ST7: variants seen among roughly 807,000 people sequenced by gnomAD.
ST7 encodes the protein suppression of tumorigenicity 7.
Under a neutral mutation model 78.7 loss-of-function variants are expected in ST7, and 28 were observed. The ratio of observed to expected loss-of-function variants is 0.36; its 90% CI spans 0.26 to 0.49. The LOEUF is 0.49. Ranked by LOEUF, ST7 falls within the 20% of genes least tolerant of loss-of-function variation. The pLI is 0.99. For synonymous variants in ST7, 247 were observed against 249.6 expected (o/e 0.99, Z 0.10); for missense variants, 418 against 696.0 (o/e 0.60, Z 4.49).
Position 117,219,176 on chromosome 7 carries a change from T to C in ST7, c.1498T>C (p.Ser500Pro). The change falls in exon 14 of 16, where the codon TCT (serine) becomes CCT (proline). Residue 500 changes from serine to proline, a missense_variant and splice_region_variant. Ser to Pro is a moderately conservative substitution (Grantham distance 74). This residue lies in a region of ST7 where 288 missense variants were observed against 537.1 expected (regional missense o/e 0.54). Transcript: ENST00000323984. The surrounding 1 kb of genome is among the most constrained non-coding windows in gnomAD (Gnocchi z 5.1). ...AACAGCAGACCGAGAGCTGCTTCCA[T>C]GTAAGTCTCACCTCTCTTCAGCCAG... ...TETADRELLP[S>P]FHEVSVYPKK... 1.2e-6 allele frequency: 2 copies of C among 1,612,126 alleles called. No individual in the cohort carries two copies. Among genetic ancestry groups the C allele is most frequent in the South Asian group, 1.1e-5 (1 of 90,636 alleles).
chr7:117,189,486 A>C (rs891992491), intron 11 of ST7, 93 bp downstream of exon 11: 8 of 926,894 alleles, frequency 8.6e-6, no homozygotes, highest in Non-Finnish European at 1.1e-5. Context: ...CTCTTAGGCT[A>C]TGAGACCCCT....
chr7:117,055,169 AATTT>A (rs1360288178), intron 1 of ST7, among the ~76,000 whole-genome samples: 3 of 151,818 alleles, frequency 2.0e-5, no homozygotes, highest in Non-Finnish European at 4.4e-5. Flanking sequence ...GTTATCTCCC[AATTT>A]ATTTATTTAT....
chr7:117,109,708 TAATGCCCAAACCAGGAAAC>T (rs995963039), intron 2 of ST7, among the ~76,000 whole-genome samples: 1 of 152,192 alleles, frequency 6.6e-6, no homozygotes, highest in African/African-American at 2.4e-5. Context: ...AGTATCACCC[TAATGCCCAAACCAGGAAAC>T]AATATAACAA....
intron 9 of ST7, among the ~76,000 whole-genome samples, chr7:117,159,851 C>T (rs1806990136): frequency 6.6e-6 from 1 of 150,740 alleles, no homozygotes; most frequent in South Asian, 2.1e-4. Flanking sequence ...CGAGATCATG[C>T]CACTGCACTC....
chr7:117,199,185 G>A (rs1011044777), intron 12 of ST7: 9 of 152,214 alleles, frequency 5.9e-5, no homozygotes, highest in Non-Finnish European at 1.2e-4. Flanking sequence ...ATCTCCCTTT[G>A]TGTGAGCTGT....
intron 1 of ST7, chr7:116,967,401 A>G (rs1585057094): frequency 4.2e-6 from 2 of 471,220 alleles, no homozygotes. Flanking sequence ...TCCCTGCCTT[A>G]CCAGTTCCTA....
chr7:117,133,791 C>T lies in ST7; in HGVS notation c.642-333C>T, dbSNP rs141512425. On this transcript the variant is annotated intron_variant, in intron 6 of 15. Transcript: ENST00000323984. ...TCTCTTATAGACCATCATTACATGCCCTCTTTCCATCTTTTAAAATATGTC... is the reference window on the plus strand; with the variant it reads ...TCTCTTATAGACCATCATTACATGCTCTCTTTCCATCTTTTAAAATATGTC... Among the ~76,000 whole-genome samples the T allele has an allele frequency of 1.8e-3, 280 of 151,624 alleles. 1 individual carries two copies. The highest frequency in any genetic ancestry group is 0.014 in the Middle Eastern group (4 of 294).
intron 1 of ST7, among the ~76,000 whole-genome samples, chr7:117,031,964 T>C (rs1313809248): frequency 2.0e-5 from 3 of 150,578 alleles, no homozygotes; most frequent in Non-Finnish European, 3.0e-5. Flanking sequence ...TCACTGCAAC[T>C]TCTGCTTCCC....
At position 117,159,565 on chromosome 7, in the gene ST7, A is replaced by G. The variant is rs1489578199; in HGVS notation, c.964-11297A>G. Among the ~76,000 whole-genome samples the G allele has an allele frequency of 1.1e-4, 17 of 152,236 alleles. No individual in the cohort carries two copies. In the East Asian group the frequency reaches 3.3e-3, roughly 29 times the overall value. On this transcript the variant is annotated intron_variant, in intron 9 of 15. Coordinates refer to ENST00000323984, the MANE Select transcript of ST7 (RefSeq NM_001369598.1). ...AGATTTATTTAGAATGACTTAGCTGATAGAAAACAGGCCTTTATCATATGC... is the reference window on the plus strand; with the variant it reads ...AGATTTATTTAGAATGACTTAGCTGGTAGAAAACAGGCCTTTATCATATGC...
intron 1 of ST7, among the ~76,000 whole-genome samples, chr7:117,030,419 TA>T (rs1417066302): frequency 6.6e-6 from 1 of 152,222 alleles, no homozygotes; most frequent in Admixed American, 6.5e-5. Flanking sequence ...GAGATTTCAC[TA>T]AACAGATGTT....
intron 9 of ST7, among the ~76,000 whole-genome samples, chr7:117,144,587 C>T (rs1408434379): frequency 6.7e-6 from 1 of 148,524 alleles, no homozygotes; most frequent in East Asian, 2.0e-4. Flanking sequence ...GAGCTGTAAT[C>T]AGGCCACTGC....
At chr7:117,184,924 T>C (rs146618691) in intron 10 of ST7, among the ~76,000 whole-genome samples, 259 of 152,350 alleles carry the variant, frequency 1.7e-3, no homozygotes, top group African/African-American at 6.0e-3. Flanking sequence ...TATAAATTTC[T>C]GGAAACCTCT....
At chr7:117,211,084 G>A (rs1792250159) in intron 13 of ST7, among the ~76,000 whole-genome samples, 1 of 152,166 alleles carries the variant, frequency 6.6e-6, no homozygotes, top group Non-Finnish European at 1.5e-5. Flanking sequence ...TAGGAAGGGA[G>A]GTTGGGGGAG....
At chr7:117,215,971 G>C (rs1407497013) in intron 13 of ST7, among the ~76,000 whole-genome samples, 7 of 151,900 alleles carry the variant, frequency 4.6e-5, no homozygotes, top group Non-Finnish European at 8.8e-5. Flanking sequence ...TTCTATCCTT[G>C]CCTATCTAGT....
At chr7:117,095,606 T>TTAGA (rs1423648260) in intron 1 of ST7, among the ~76,000 whole-genome samples, 1 of 152,192 alleles carries the variant, frequency 6.6e-6, no homozygotes, top group African/African-American at 2.4e-5. Flanking sequence ...GTGTGACCTG[T>TTAGA]TAGAGGTGCC....
At position 117,181,323 on chromosome 7, in the gene ST7, G is replaced by A. The variant is rs150085258; in HGVS notation, c.1079-7998G>A. Reference sequence around the variant, plus strand: ...TATGACTCTATTGTCCAAAAAAACAGTGAAGAATGATGATAGGGAAAGTAA... The same window carrying A: ...TATGACTCTATTGTCCAAAAAAACAATGAAGAATGATGATAGGGAAAGTAA... On this transcript the variant is annotated intron_variant, in intron 10 of 15. Transcript: ENST00000323984. Among the ~76,000 whole-genome samples the A allele has an allele frequency of 3.0e-3, 452 of 152,262 alleles. 2 individuals carry two copies. Among genetic ancestry groups the A allele is most frequent in the African/African-American group, 0.01 (421 of 41,552 alleles).
At chr7:117,191,032 A>T in intron 12 of ST7, 96 bp downstream of exon 12, 1 of 971,410 alleles carries the variant, frequency 1.0e-6, no homozygotes, top group South Asian at 1.4e-5. Flanking sequence ...CTTATAAAAA[A>T]ATGAATTGCA....
At chr7:117,208,610 C>T (rs190901961) in intron 12 of ST7, among the ~76,000 whole-genome samples, 77 of 152,226 alleles carry the variant, frequency 5.1e-4, no homozygotes, top group African/African-American at 1.8e-3. Flanking sequence ...CTGAGGGATG[C>T]CCAAAGGGTA....
chr7:117,183,728 A>G (rs1436113444), intron 10 of ST7, among the ~76,000 whole-genome samples: 2 of 152,228 alleles, frequency 1.3e-5, no homozygotes, highest in African/African-American at 4.8e-5. Context: ...ACAGACATCT[A>G]TCTTCAGATC....
Sources: allele counts gnomAD v4.1 joint callset (sites outside exome capture counted in the v4.1 genomes callset), GRCh38; gene constraint gnomAD v4.1.1; regional missense constraint gnomAD v4.1.1; non-coding constraint Gnocchi (gnomAD v3.1); transcripts MANE v1.5; gene names NCBI Gene and HGNC (gene_info 2026-07-23, HGNC 2026-07-21).